FOXP2: variants seen among roughly 807,000 people sequenced by gnomAD.
FOXP2 encodes forkhead box P2.
In FOXP2, 12 loss-of-function variants were observed where a neutral mutation model predicts 115.8. The observed-to-expected ratio is 0.10, with a 90% confidence interval of 0.07 to 0.17. FOXP2 has a LOEUF of 0.17. Ranked by LOEUF, FOXP2 falls within the 10% of genes least tolerant of loss-of-function variation. FOXP2 has a pLI of 1.00. For synonymous variants in FOXP2, 328 were observed against 297.7 expected (o/e 1.10, Z -1.05); for missense variants, 629 against 843.5 (o/e 0.75, Z 3.15).
chr7:114,360,250 C>T (rs1791715019), intron 2 of FOXP2, among the ~76,000 whole-genome samples: 1 of 152,148 alleles, frequency 6.6e-6, no homozygotes, highest in South Asian at 2.1e-4. Flanking sequence ...GATTGTGAGG[C>T]CTCCCCAGCC....
At chr7:114,350,961 A>G (rs1791473193) in intron 2 of FOXP2, among the ~76,000 whole-genome samples, 1 of 152,162 alleles carries the variant, frequency 6.6e-6, no homozygotes, top group Non-Finnish European at 1.5e-5. Context: ...CATCATCTCT[A>G]GACTACTTAG....
At chr7:114,303,255 T>C (rs1796919657) in intron 2 of FOXP2, among the ~76,000 whole-genome samples, 1 of 152,196 alleles carries the variant, frequency 6.6e-6, no homozygotes, top group Admixed American at 6.5e-5. Context: ...AATTGAGCTG[T>C]TTGGAATTTT....
At chr7:114,306,807 G>T (rs984291925) in intron 2 of FOXP2, among the ~76,000 whole-genome samples, 1 of 152,016 alleles carries the variant, frequency 6.6e-6, no homozygotes, top group African/African-American at 2.4e-5. Context: ...GCTTCTAGAG[G>T]CTGCCTACAT....
chr7:114,588,740 G>C (rs1226158090), intron 3 of FOXP2, among the ~76,000 whole-genome samples: 1 of 152,118 alleles, frequency 6.6e-6, no homozygotes, highest in Non-Finnish European at 1.5e-5. Context: ...TCTTAAACAG[G>C]ACATTTTGGC....
chr7:114,686,928 T>C (rs1808395764), intron 16 of FOXP2, among the ~76,000 whole-genome samples: 1 of 152,154 alleles, frequency 6.6e-6, no homozygotes. Context: ...AGTTGAACTT[T>C]CTAGGATCCA....
chr7:114,413,651 T>C (rs191452239), upstream of FOXP2, among the ~76,000 whole-genome samples: 2 of 152,198 alleles, frequency 1.3e-5, no homozygotes, highest in Admixed American at 6.5e-5. Context: ...GAAGGTGAAA[T>C]GTGAAATTTG....
upstream of FOXP2, among the ~76,000 whole-genome samples, chr7:114,161,421 C>T (rs961166592): frequency 5.3e-5 from 8 of 152,044 alleles, no homozygotes; most frequent in Admixed American, 2.0e-4. Context: ...AATTTGTGAT[C>T]AGATAGATGA....
chr7:114,297,790 C>T (rs1463888887), intron 2 of FOXP2, among the ~76,000 whole-genome samples: 1 of 152,178 alleles, frequency 6.6e-6, no homozygotes, highest in African/African-American at 2.4e-5. Flanking sequence ...AATAAACATG[C>T]TCCATGTTCC....
intron 1 of FOXP2, among the ~76,000 whole-genome samples, chr7:114,228,589 CAAG>C (rs931529631): frequency 1.3e-5 from 2 of 151,770 alleles, no homozygotes; most frequent in African/African-American, 4.8e-5. Context: ...TACAGATGAA[CAAG>C]AAGAAAAGAG....
chr7:114,526,487 A>C (rs904753341), intron 2 of FOXP2, among the ~76,000 whole-genome samples: 8 of 149,006 alleles, frequency 5.4e-5, no homozygotes, highest in Middle Eastern at 3.2e-3. Flanking sequence ...AAAAAAAAAA[A>C]CAAAAAAAAA....
chr7:114,319,782 A>G (rs1742403026), intron 2 of FOXP2, among the ~76,000 whole-genome samples: 1 of 152,236 alleles, frequency 6.6e-6, no homozygotes. Context: ...TAGAAAAATC[A>G]ATAAAGAAAA....
chr7:114,499,354 T>G (rs1358563256), intron 2 of FOXP2: 1 of 153,768 alleles, frequency 6.5e-6, no homozygotes, highest in Non-Finnish European at 1.4e-5. Flanking sequence ...ATAAAATTGC[T>G]TAATATCAGT....
intron 1 of FOXP2, among the ~76,000 whole-genome samples, chr7:114,171,499 G>T (rs1793138508): frequency 6.6e-6 from 1 of 152,172 alleles, no homozygotes; most frequent in South Asian, 2.1e-4. Context: ...CTTGAGCCTG[G>T]GAGGTGGAGG....
At position 114,642,470 on chromosome 7, in the gene FOXP2, T is replaced by G; in HGVS notation, c.836T>G (p.Met279Arg). 6.2e-7 allele frequency: 1 copy of G among 1,613,868 alleles called. No individual in the cohort carries two copies. Among genetic ancestry groups the G allele is most frequent in the Non-Finnish European group, 8.5e-7 (1 of 1,179,928 alleles). The change falls in exon 7 of 17, where the codon ATG (methionine) becomes AGG (arginine). Residue 279 changes from methionine (M) to arginine (R), a missense_variant. This residue lies in a region of FOXP2 where 92 missense variants were observed against 80.1 expected (regional missense o/e 1.15). Coordinates refer to ENST00000350908, the MANE Select transcript of FOXP2 (RefSeq NM_014491.4). The part of the protein sequence containing the change: ...LWKEVTGVHS[M>R]EDNGIKHGGL... ...AAAGAAGTGACTGGAGTTCACAGTA[T>G]GGAAGACAATGGCATTAAACATGGA...
chr7:114,107,928 TAA>T (rs1280593054), intron 1 of FOXP2, among the ~76,000 whole-genome samples: 1 of 151,950 alleles, frequency 6.6e-6, no homozygotes, highest in African/African-American at 2.4e-5. Flanking sequence ...AGTAAAATTT[TAA>T]AGTCAATATA....
At chr7:114,553,114 C>A (rs1800293812) in intron 3 of FOXP2, among the ~76,000 whole-genome samples, 2 of 151,902 alleles carry the variant, frequency 1.3e-5, no homozygotes, top group Admixed American at 1.3e-4. Flanking sequence ...ACCCTTGATC[C>A]TATTTATTTA....
intron 3 of FOXP2, among the ~76,000 whole-genome samples, chr7:114,616,021 T>C (rs891709394): frequency 5.3e-5 from 8 of 152,218 alleles, no homozygotes; most frequent in Admixed American, 6.5e-5. Context: ...TTATTTCTTC[T>C]CCAGTTTATT....
chr7:114,576,130 A>C (rs1232415056), intron 3 of FOXP2, among the ~76,000 whole-genome samples: 6 of 151,964 alleles, frequency 3.9e-5, no homozygotes, highest in Non-Finnish European at 4.4e-5. Context: ...AATTCCATAA[A>C]GATATAATAT....
rs548290072 is a variant in FOXP2 at position 114,492,622 on chromosome 7, C to T, written c.169-41995C>T. Among the ~76,000 whole-genome samples, 111 of 152,144 alleles carry T rather than the reference C, an allele frequency of 7.3e-4. No individual in the cohort carries two copies. In the South Asian group the frequency reaches 0.022, roughly 31 times the overall value. ...TTCTGGTATGTTGTGTCTTTGTTCTCGTTGGTGTCAAAGAACATCTTTATT... is the reference window on the plus strand; with the variant it reads ...TTCTGGTATGTTGTGTCTTTGTTCTTGTTGGTGTCAAAGAACATCTTTATT... On this transcript the variant is annotated intron_variant, in intron 2 of 16. Transcript: ENST00000350908.
Sources: allele counts gnomAD v4.1 joint callset (sites outside exome capture counted in the v4.1 genomes callset), GRCh38; gene constraint gnomAD v4.1.1; regional missense constraint gnomAD v4.1.1; transcripts MANE v1.5; gene names NCBI Gene and HGNC (gene_info 2026-07-23, HGNC 2026-07-21).